Variants in PMS2 observed in about 807,000 individuals in gnomAD.
PMS2 encodes the protein PMS1 homolog 2, mismatch repair system component, also known as mismatch repair endonuclease PMS2.
PMS2 carries 69 observed loss-of-function variants against 90.0 expected under a neutral mutation model. The ratio of observed to expected loss-of-function variants is 0.77; its 90% CI spans 0.63 to 0.94. The LOEUF is 0.94. Among genes scored for constraint, PMS2 ranks in the 40% least tolerant of loss-of-function variants. The pLI, the probability that PMS2 is intolerant of heterozygous loss-of-function variation, is 0.00. For synonymous variants in PMS2, 332 were observed against 375.1 expected (o/e 0.89, Z 1.33); for missense variants, 966 against 1,040.2 (o/e 0.93, Z 0.98).
Position 5,999,238 on chromosome 7 carries a change from C to G in PMS2, c.575G>C (p.Cys192Ser), listed in dbSNP as rs772404945. The change falls in exon 6 of 15, where the codon TGT becomes TCT. Residue 192 changes from cysteine to serine, a missense_variant. Cys to Ser is a moderately radical substitution (Grantham distance 112). Around this residue, in one of 2 missense-constraint regions of PMS2, gnomAD observed 871 missense variants for 802.4 expected, o/e 1.09. Transcript: ENST00000265849. ...AKMVQVLHAY[C>S]IISAGIRVSC... Reference sequence around the variant, plus strand: ...TACACGGATGCCTGCTGAAATGATACAGTATGCATGTAAGACCTGGACCAT... The same window carrying G: ...TACACGGATGCCTGCTGAAATGATAGAGTATGCATGTAAGACCTGGACCAT... 1.2e-6 allele frequency: 2 copies of G among 1,613,714 alleles called. No homozygotes were observed. The highest frequency in any genetic ancestry group is 2.2e-5 in the South Asian group (2 of 91,084).
chr7:5,988,129 A>G (rs1161159439), intron 10 of PMS2, among the ~76,000 whole-genome samples: 1 of 152,018 alleles, frequency 6.6e-6, no homozygotes, highest in African/African-American at 2.4e-5. Context: ...GTAAAATTAA[A>G]AAAACAACAA....
At chr7:6,002,945 T>A (rs1023468132) in intron 4 of PMS2, among the ~76,000 whole-genome samples, 1 of 152,210 alleles carries the variant, frequency 6.6e-6, no homozygotes, top group African/African-American at 2.4e-5. Flanking sequence ...ATTTGTTTTG[T>A]TATTACTCTT....
chr7:5,993,717 CG>C (rs1056564564), intron 8 of PMS2, among the ~76,000 whole-genome samples: 4 of 150,848 alleles, frequency 2.7e-5, no homozygotes, highest in African/African-American at 9.7e-5. Context: ...AAAAATTAGC[CG>C]GGTGTGGTGA....
intron 8 of PMS2, 81 bp from the exon 9 acceptor site, chr7:5,992,138 C>G (rs1783825999): frequency 2.5e-6 from 2 of 798,688 alleles, no homozygotes; most frequent in African/African-American, 1.7e-5. Context: ...TCTATTCTAA[C>G]CAACCAGCAT....
chr7:5,986,511 G>A, intron 11 of PMS2, among the ~76,000 whole-genome samples: 1 of 151,996 alleles, frequency 6.6e-6, no homozygotes. Flanking sequence ...AGCCAACATG[G>A]TGAAACCCTG....
At chr7:5,993,327 C>G (rs143372364) in intron 8 of PMS2, among the ~76,000 whole-genome samples, 1 of 131,640 alleles carries the variant, frequency 7.6e-6, no homozygotes, top group African/African-American at 2.8e-5. Context: ...GCCAAGATCA[C>G]GTCACTGCAC....
chr7:5,993,834 C>A (rs1784051424), intron 8 of PMS2, among the ~76,000 whole-genome samples: 1 of 113,690 alleles, frequency 8.8e-6, no homozygotes, highest in African/African-American at 3.3e-5. Flanking sequence ...GCACTCCAGC[C>A]TGGGGGTGAC....
At chr7:5,995,761 T>C in intron 7 of PMS2, 128 bp from the exon 8 acceptor site, 1 of 736,056 alleles carries the variant, frequency 1.4e-6, no homozygotes. Context: ...GGATCACTAT[T>C]GCAGTTCACG....
Position 5,977,648 on chromosome 7 carries a change from C to G in PMS2, c.2385G>C (p.Gly795=), listed in dbSNP as rs372868520. Residue 795 remains glycine, a synonymous_variant, in exon 14 of 15, where the codon GGG becomes GGC. Coordinates refer to ENST00000265849, the MANE Select transcript of PMS2 (RefSeq NM_000535.7). ...TGACTCGGGAAGGCCGGCACATGAC[C>G]CCAGGGCTGTCGCTCAGCATGAAGA... ...ELIFMLSDSP[G]VMCRPSRVKQ... The G allele has an allele frequency of 6.2e-7, 1 of 1,603,752 alleles. No homozygotes were observed. The highest frequency in any genetic ancestry group is 1.4e-5 in the African/African-American group (1 of 74,056).
chr7:6,008,923 G>A, intron 1 of PMS2, 74 bp downstream of exon 1: 1 of 1,561,762 alleles, frequency 6.4e-7, no homozygotes, highest in South Asian at 1.1e-5. Flanking sequence ...CCCATTTCCA[G>A]GGAGGTTGGA....
rs775240349 is a variant in PMS2, at chr7:5,996,577, T to TAAAAA, written c.803+744_803+748dup. Among the ~76,000 whole-genome samples, 448 of 93,040 alleles carry TAAAAA rather than the reference T, an allele frequency of 4.8e-3. 1 individual carries two copies. The highest frequency in any genetic ancestry group is 0.027 in the Middle Eastern group (4 of 148). The allele number at this position is 93,040 out of a possible 152,430, so 61.0% of individuals were successfully genotyped here. On this transcript the variant is annotated intron_variant, in intron 7 of 14. Transcript: ENST00000265849. ...ACAAAGCAAGACTCCATCTCAAAGC[T>TAAAAA]AAAAAAAAAAAAAATATATATATAT...
intron 11 of PMS2, 22 bp downstream of exon 11, chr7:5,986,737 A>G (rs758652986): frequency 1.3e-6 from 2 of 1,527,904 alleles, no homozygotes; most frequent in Admixed American, 2.1e-5. Context: ...AAAAGAGAAA[A>G]AGTAAAAAAT....
In PMS2 at chr7:5,979,720, T is replaced by C. The variant is rs1471064276; in HGVS notation, c.2175-1024A>G. ...TTCAAAGATAGAGACAGGGTCTCAC[T>C]ATGTTGCCCAGGCTGCTCTCAAACT... On this transcript the variant is annotated intron_variant, in intron 12 of 14. Transcript: ENST00000265849. Among the ~76,000 whole-genome samples, 5 of 135,958 alleles carry C rather than the reference T, an allele frequency of 3.7e-5. No homozygotes were observed. The highest frequency in any genetic ancestry group is 6.4e-5 in the Non-Finnish European group (4 of 62,414). The allele number at this position is 135,958 out of a possible 152,430, so 89.2% of individuals were successfully genotyped here.
In PMS2 at chr7:6,002,550, G is replaced by T. The variant is rs1554304012; in HGVS notation, c.440C>A (p.Thr147Asn). ...GGTCCCTCTGGGGCGGGGGTAGGGG[G>T]TTTTCTGGATAATTTTCCCATTGTG... ...FDHNGKIIQKTPYPRPRGTTV... is the reference protein window; with the variant it reads ...FDHNGKIIQKNPYPRPRGTTV... The change falls in exon 5 of 15, where the codon ACC becomes AAC. Residue 147 changes from threonine to asparagine, a missense_variant. Thr to Asn is a moderately conservative substitution (Grantham distance 65). Around this residue, in one of 2 missense-constraint regions of PMS2, gnomAD observed 871 missense variants for 802.4 expected, o/e 1.09. Transcript: ENST00000265849. 1 of 1,611,766 alleles carries T rather than the reference G, an allele frequency of 6.2e-7. No homozygotes were observed. The highest frequency in any genetic ancestry group is 1.1e-5 in the South Asian group (1 of 90,978).
chr7:5,984,465 A>T (rs1427814054), intron 11 of PMS2, among the ~76,000 whole-genome samples: 1 of 151,770 alleles, frequency 6.6e-6, no homozygotes, highest in Non-Finnish European at 1.5e-5. Context: ...CTGTTAAAGC[A>T]GCCATGGACG....
intron 9 of PMS2, 66 bp downstream of exon 9, chr7:5,991,907 G>A (rs970558007): frequency 3.6e-5 from 30 of 836,432 alleles, no homozygotes; most frequent in Non-Finnish European, 5.7e-5. Context: ...TAGCAGAGCT[G>A]TAGAATTTCA....
rs1354150928 is a variant in PMS2 at position 5,987,183 on chromosome 7, C to T, written c.1582G>A (p.Gly528Ser). 4 of 1,614,038 alleles carry T rather than the reference C, an allele frequency of 2.5e-6. No homozygotes were observed. Among genetic ancestry groups the T allele is most frequent in the East Asian group, 2.2e-5 (1 of 44,890 alleles). Residue 528 changes from glycine (G) to serine (S), a missense_variant, in exon 11 of 15, where the codon GGC becomes AGC. Around this residue, in one of 2 missense-constraint regions of PMS2, gnomAD observed 871 missense variants for 802.4 expected, o/e 1.09. Transcript: ENST00000265849. Reference sequence around the variant, plus strand: ...TGAGAGTCCACATGTTCCTGCGAGCCCCTGTCCCCTGGGGAGCTGGCCGCA... The same window carrying T: ...TGAGAGTCCACATGTTCCTGCGAGCTCCTGTCCCCTGGGGAGCTGGCCGCA... ...EYAASSPGDR[G>S]SQEHVDSQEK...
At position 6,009,000 on chromosome 7, in the gene PMS2, G is replaced by T; in HGVS notation, c.20C>A (p.Ser7Ter). 1 of 1,612,632 alleles carries T rather than the reference G, an allele frequency of 6.2e-7. No individual in the cohort carries two copies. The highest frequency in any genetic ancestry group is 1.1e-5 in the South Asian group (1 of 91,026). MERAES[S>*]STEPAKAIKP... ...GAAGACTGCGAGCCCCGCTCACCTC[G>T]AGCTCTCAGCTCGCTCCATGGATGC... Residue 7 changes from serine to a stop codon, truncating the protein, a stop_gained, in exon 1 of 15, where the codon TCG (serine) becomes TAG (stop). Transcript: ENST00000265849. LOFTEE classifies it high-confidence loss of function.
rs75679751 is a variant in PMS2, at chr7:5,972,694, T to C, written c.*705A>G. 0.51 allele frequency among the ~76,000 whole-genome samples: 39,305 copies of C among 77,686 alleles called. 14,062 individuals are homozygous for C. Among genetic ancestry groups the C allele is most frequent in the East Asian group, 0.67 (1,795 of 2,674 alleles). The allele number at this position is 77,686 out of a possible 152,430, so 51.0% of individuals were successfully genotyped here. A position where few individuals can be genotyped will look rare whatever the true frequency, so the allele number is the denominator to read the frequency against. ...TGAATCAGGGCTGAGAATCACTAAC[T>C]GAAAAGGACCCTACTTTTAAATTTA... On this transcript the variant is annotated 3_prime_UTR_variant, in exon 15 of 15. Transcript: ENST00000265849.
Sources: gnomAD v4.1 joint callset for allele counts (sites outside exome capture counted in the v4.1 genomes callset) on GRCh38, gnomAD v4.1.1 for gene constraint, gnomAD v4.1.1 regional missense constraint, MANE v1.5 for transcripts, NCBI Gene and HGNC (gene_info 2026-07-23, HGNC 2026-07-21) for gene names.